Variants in LRRC4C observed in about 807,000 individuals in gnomAD.
LRRC4C encodes the protein leucine-rich repeat-containing protein 4C.
A neutral mutation model predicts 33.6 loss-of-function variants in LRRC4C; 5 were observed. The observed-to-expected ratio is 0.15, with a 90% CI of 0.08 to 0.31. The LOEUF (loss-of-function observed/expected upper bound fraction) is 0.31, where lower values mean the gene tolerates loss of function less well. LRRC4C is among the 10% of genes least tolerant of loss of function. LRRC4C has a pLI of 1.00. For missense variants in LRRC4C, 560 were observed against 796.7 expected (o/e 0.70, Z 3.58); for synonymous variants, 329 against 302.0 (o/e 1.09, Z -0.93).
intron 1 of LRRC4C, among the ~76,000 whole-genome samples, chr11:41,237,064 T>C (rs1948056345): frequency 6.6e-6 from 1 of 152,238 alleles, no homozygotes; most frequent in Non-Finnish European, 1.5e-5. Context: ...ACCACCTATG[T>C]ATATGCCAGA....
intron 3 of LRRC4C, among the ~76,000 whole-genome samples, chr11:40,374,491 T>A (rs1316495341): frequency 1.3e-5 from 2 of 152,202 alleles, no homozygotes; most frequent in African/African-American, 4.8e-5. Flanking sequence ...ATATCTATTG[T>A]CTATTGAATA....
At chr11:41,001,660 C>T (rs1378583551) in intron 1 of LRRC4C, among the ~76,000 whole-genome samples, 2 of 151,962 alleles carry the variant, frequency 1.3e-5, no homozygotes, top group Non-Finnish European at 2.9e-5. Context: ...AATTTTAACG[C>T]AACCCTTAGT....
At chr11:40,912,148 C>T (rs959177705) in intron 2 of LRRC4C, among the ~76,000 whole-genome samples, 32 of 152,212 alleles carry the variant, frequency 2.1e-4, no homozygotes, top group African/African-American at 7.7e-4. Context: ...GAGAACTTCC[C>T]CAATCTAGCA....
intron 1 of LRRC4C, among the ~76,000 whole-genome samples, chr11:41,389,101 G>T (rs906033802): frequency 2.0e-5 from 3 of 151,824 alleles, no homozygotes; most frequent in African/African-American, 4.8e-5. Context: ...TAGCTGAGAT[G>T]AGATAATTGA....
intron 1 of LRRC4C, among the ~76,000 whole-genome samples, chr11:41,126,237 C>T (rs1050532008): frequency 6.6e-6 from 1 of 151,508 alleles, no homozygotes; most frequent in Non-Finnish European, 1.5e-5. Flanking sequence ...TTAAGTCTTT[C>T]CACCCTTCTA....
At chr11:40,772,191 A>C (rs141053434) in intron 2 of LRRC4C, among the ~76,000 whole-genome samples, 85 of 152,282 alleles carry the variant, frequency 5.6e-4, no homozygotes, top group African/African-American at 2.0e-3. Context: ...TCATGATGGA[A>C]GGGGAAGCAA....
chr11:40,785,040 C>T (rs1182306302), intron 2 of LRRC4C, among the ~76,000 whole-genome samples: 2 of 152,106 alleles, frequency 1.3e-5, no homozygotes, highest in East Asian at 1.9e-4. Flanking sequence ...AAGCCCTGCT[C>T]ATTAATTGCA....
chr11:40,398,228 A>G (rs996970791), intron 3 of LRRC4C, among the ~76,000 whole-genome samples: 4 of 152,112 alleles, frequency 2.6e-5, no homozygotes, highest in Non-Finnish European at 5.9e-5. Flanking sequence ...CAATTTTTGG[A>G]TAAATGAAAA....
chr11:40,284,837 A>G (rs945145999), intron 4 of LRRC4C, among the ~76,000 whole-genome samples: 4 of 152,164 alleles, frequency 2.6e-5, no homozygotes, highest in Non-Finnish European at 4.4e-5. Context: ...CCTGGTGCAT[A>G]TCTAGGTTTC....
At chr11:41,001,179 C>T (rs1035658715) in intron 1 of LRRC4C, among the ~76,000 whole-genome samples, 3 of 152,160 alleles carry the variant, frequency 2.0e-5, no homozygotes, top group South Asian at 4.1e-4. Context: ...TGAGGTGCTA[C>T]AAAGATCATA....
Position 41,187,343 on chromosome 11 carries a change from G to A in LRRC4C, c.-495-253620C>T, listed in dbSNP as rs576208970. On this transcript the variant is annotated intron_variant, in intron 1 of 6. Coordinates refer to ENST00000528697, the MANE Select transcript of LRRC4C (RefSeq NM_001258419.2). ...CGTTGAGAAGAACACACTGGCAGAA[G>A]AGGACACAAGTAACTGGAAGTCGAG... 5.3e-5 allele frequency among the ~76,000 whole-genome samples: 8 copies of A among 152,308 alleles called. No homozygotes were observed. The South Asian group carries it at 1.7e-3, about 32-fold the overall frequency.
In LRRC4C at chr11:40,176,021, C is replaced by G. The variant is rs989780096; in HGVS notation, c.-95-35168G>C. 2.6e-5 allele frequency among the ~76,000 whole-genome samples: 4 copies of G among 152,056 alleles called. No homozygotes were observed. The South Asian group carries it at 8.3e-4, about 32-fold the overall frequency. ...ATAATGGAGATACTCCCATTTATAG[C>G]TCACATCAAGATGATACAAGAGCTA... On this transcript the variant is annotated intron_variant, in intron 5 of 6. Transcript: ENST00000528697.
chr11:41,115,782 C>T (rs1474986236), intron 1 of LRRC4C, among the ~76,000 whole-genome samples: 1 of 152,098 alleles, frequency 6.6e-6, no homozygotes, highest in Non-Finnish European at 1.5e-5. Flanking sequence ...CCTTGTCAGT[C>T]TCCCGCAACT....
intron 2 of LRRC4C, among the ~76,000 whole-genome samples, chr11:40,808,973 C>G (rs1014402823): frequency 6.6e-6 from 1 of 152,130 alleles, no homozygotes; most frequent in East Asian, 1.9e-4. Context: ...CCTCTCTCCC[C>G]TCTCCTGGGA....
At chr11:41,430,059 C>T (rs1955181809) in intron 1 of LRRC4C, among the ~76,000 whole-genome samples, 1 of 152,074 alleles carries the variant, frequency 6.6e-6, no homozygotes, top group Non-Finnish European at 1.5e-5. Flanking sequence ...AGAGTACAAC[C>T]TCTAGAGCTA....
chr11:40,802,470 C>G (rs1018984373), intron 2 of LRRC4C, among the ~76,000 whole-genome samples: 1 of 150,290 alleles, frequency 6.7e-6, no homozygotes, highest in Non-Finnish European at 1.5e-5. Flanking sequence ...AATAAAACAC[C>G]CAGAAATTGG....
intron 2 of LRRC4C, among the ~76,000 whole-genome samples, chr11:40,719,017 C>G (rs1350001787): frequency 3.3e-5 from 5 of 152,300 alleles, no homozygotes; most frequent in Non-Finnish European, 5.9e-5. Flanking sequence ...TTCAGAAATG[C>G]ATTACTTCTC....
chr11:40,789,663 A>C (rs2137366232), intron 2 of LRRC4C, among the ~76,000 whole-genome samples: 1 of 152,324 alleles, frequency 6.6e-6, no homozygotes, highest in South Asian at 2.1e-4. Context: ...AGTCAGAGTT[A>C]AATATAAGCA....
chr11:41,256,622 G>T (rs1297396579), intron 1 of LRRC4C, among the ~76,000 whole-genome samples: 1 of 151,964 alleles, frequency 6.6e-6, no homozygotes. Context: ...CTCATATGTA[G>T]AAAGGAGATT....
Sources: gnomAD v4.1 joint callset for allele counts (sites outside exome capture counted in the v4.1 genomes callset) on GRCh38, gnomAD v4.1.1 for gene constraint, MANE v1.5 for transcripts, NCBI Gene and HGNC (gene_info 2026-07-23, HGNC 2026-07-21) for gene names.